POFUT3: variants seen among roughly 807,000 people sequenced by gnomAD.
The protein encoded by POFUT3 is GDP-fucose protein O-fucosyltransferase 3.
the POFUT3 span, among the ~76,000 whole-genome samples, chr8:33,380,176 CTATATATATAT>C: frequency 3.2e-3 from 184 of 57,844 alleles, 1 homozygote; most frequent in African/African-American, 9.9e-3. Flanking sequence ...TATATATATA[CTATATATATAT>C]ACTATATATA....
At chr8:33,382,155 T>C in the POFUT3 span, among the ~76,000 whole-genome samples, 22 of 152,212 alleles carry the variant, frequency 1.4e-4, no homozygotes, top group East Asian at 3.5e-3. Context: ...TTGCCAGGCA[T>C]GGTGGCTGCG....
the POFUT3 span, among the ~76,000 whole-genome samples, chr8:33,352,710 C>T: frequency 6.6e-6 from 1 of 152,122 alleles, no homozygotes; most frequent in Admixed American, 6.5e-5. Flanking sequence ...ACAATGAAAG[C>T]CCCCATTGGG....
chr8:33,313,362 GA>G, the POFUT3 span, among the ~76,000 whole-genome samples: 1 of 152,130 alleles, frequency 6.6e-6, no homozygotes, highest in Non-Finnish European at 1.5e-5. Flanking sequence ...TCATTCCTCA[GA>G]ATGCTAAATC....
the POFUT3 span, among the ~76,000 whole-genome samples, chr8:33,397,757 A>G: frequency 6.6e-6 from 1 of 152,104 alleles, no homozygotes; most frequent in South Asian, 2.1e-4. Flanking sequence ...AACTGGATTG[A>G]CTGATTGATT....
chr8:33,418,927 C>T, the POFUT3 span, among the ~76,000 whole-genome samples: 4 of 152,114 alleles, frequency 2.6e-5, no homozygotes, highest in Non-Finnish European at 5.9e-5. Context: ...TTTGCAGCAA[C>T]ATGGATGGAA....
the POFUT3 span, among the ~76,000 whole-genome samples, chr8:33,404,073 C>A: frequency 1.3e-5 from 2 of 152,098 alleles, no homozygotes; most frequent in African/African-American, 4.8e-5. Context: ...CGCGGTAGCT[C>A]ACACCTGTAA....
At chr8:33,424,607 C>T in the POFUT3 span, among the ~76,000 whole-genome samples, 2 of 152,206 alleles carry the variant, frequency 1.3e-5, no homozygotes, top group Non-Finnish European at 2.9e-5. Flanking sequence ...GTACCACTCA[C>T]AGCTGAGATC....
chr8:33,455,919 C>T, the POFUT3 span: 1 of 422,656 alleles, frequency 2.4e-6, no homozygotes, highest in Non-Finnish European at 4.6e-6. Flanking sequence ...AAAAAAAAAC[C>T]ACTGAGTGAA....
chr8:33,339,346 A>C, the POFUT3 span, among the ~76,000 whole-genome samples: 3 of 152,202 alleles, frequency 2.0e-5, 1 homozygote, highest in Admixed American at 2.0e-4. Context: ...GGAAAGAATC[A>C]GTTATCTGGA....
chr8:33,447,944 T>A, the POFUT3 span, among the ~76,000 whole-genome samples: 1 of 152,196 alleles, frequency 6.6e-6, no homozygotes, highest in Non-Finnish European at 1.5e-5. Context: ...ATAGACCTTA[T>A]AAATAAATTG....
At chr8:33,361,873 T>C in the POFUT3 span, among the ~76,000 whole-genome samples, 20 of 152,178 alleles carry the variant, frequency 1.3e-4, no homozygotes, top group Non-Finnish European at 2.2e-4. Context: ...GATCGATAGC[T>C]GTGGTTATCT....
At chr8:33,453,258 T>G in the POFUT3 span, 5 of 1,614,030 alleles carry the variant, frequency 3.1e-6, no homozygotes, top group Non-Finnish European at 3.4e-6. Context: ...TGGAGGTAGG[T>G]CCGGTTGATG....
At chr8:33,464,889 G>T in the POFUT3 span, among the ~76,000 whole-genome samples, 7 of 152,192 alleles carry the variant, frequency 4.6e-5, no homozygotes, top group Non-Finnish European at 1.0e-4. Context: ...TAGTACAGTT[G>T]TCAGCTAGTA....
At chr8:33,322,196 G>C in the POFUT3 span, among the ~76,000 whole-genome samples, 1 of 152,014 alleles carries the variant, frequency 6.6e-6, no homozygotes, top group Non-Finnish European at 1.5e-5. Flanking sequence ...AAATGTATAA[G>C]AGCAAGTTTT....
chr8:33,389,872 T>C, the POFUT3 span: 4 of 1,038,984 alleles, frequency 3.8e-6, no homozygotes, highest in South Asian at 5.9e-5. Flanking sequence ...CTGGTAAGAT[T>C]AGAATACAGA....
At chr8:33,459,199 GCA>G in the POFUT3 span, among the ~76,000 whole-genome samples, 1 of 151,912 alleles carries the variant, frequency 6.6e-6, no homozygotes, top group African/African-American at 2.4e-5. Context: ...AATTAGCTGG[GCA>G]TGGTGGCAGG....
the POFUT3 span, among the ~76,000 whole-genome samples, chr8:33,342,706 G>GTGGCTCA: frequency 6.6e-6 from 1 of 152,160 alleles, no homozygotes; most frequent in Non-Finnish European, 1.5e-5. Flanking sequence ...CTCAAACATT[G>GTGGCTCA]TTAGTAGGAA....
chr8:33,385,796 A>T, the POFUT3 span, among the ~76,000 whole-genome samples: 105 of 152,322 alleles, frequency 6.9e-4, no homozygotes, highest in Non-Finnish European at 1.1e-3. Context: ...AGGCAGGAGA[A>T]TCACTTTGGC....
At chr8:33,398,167 C>A in the POFUT3 span, among the ~76,000 whole-genome samples, 1 of 152,134 alleles carries the variant, frequency 6.6e-6, no homozygotes, top group Non-Finnish European at 1.5e-5. Flanking sequence ...ACAGAAAACC[C>A]AGCAATTAAG....
Sources: allele counts gnomAD v4.1 joint callset (sites outside exome capture counted in the v4.1 genomes callset), GRCh38; gene constraint gnomAD v4.1.1; transcripts MANE v1.5; gene names NCBI Gene and HGNC (gene_info 2026-07-23, HGNC 2026-07-21).